PDE4D: variants seen among roughly 807,000 people sequenced by gnomAD.
The protein encoded by PDE4D is 3',5'-cyclic-AMP phosphodiesterase 4D.
In PDE4D, 24 loss-of-function variants were observed where a neutral mutation model predicts 87.4. That is an observed-to-expected ratio of 0.27 (90% CI 0.20 to 0.39). The LOEUF (loss-of-function observed/expected upper bound fraction) is 0.39. PDE4D is among the 10% of genes least tolerant of loss of function. PDE4D has a pLI of 1.00. For synonymous variants in PDE4D, 384 were observed against 383.2 expected (o/e 1.00, Z -0.02); for missense variants, 714 against 1,041.0 (o/e 0.69, Z 4.32).
intron 1 of PDE4D, among the ~76,000 whole-genome samples, chr5:59,847,138 GC>G (rs561515111): frequency 3.4e-4 from 52 of 151,988 alleles, no homozygotes; most frequent in Non-Finnish European, 7.1e-4. Flanking sequence ...CAATTGAGCT[GC>G]CTTTTCATAC....
intron 1 of PDE4D, among the ~76,000 whole-genome samples, chr5:59,680,445 T>C (rs1217830131): frequency 2.0e-5 from 3 of 152,172 alleles, no homozygotes; most frequent in Non-Finnish European, 4.4e-5. Flanking sequence ...AATTATTAGT[T>C]GATATTTTAA....
chr5:59,053,093 T>C (rs1468151530), intron 5 of PDE4D, among the ~76,000 whole-genome samples: 1 of 152,104 alleles, frequency 6.6e-6, no homozygotes, highest in Non-Finnish European at 1.5e-5. Flanking sequence ...TGATGGTATC[T>C]GCTATTTTAG....
At chr5:60,049,074 C>G (rs984315939) in intron 2 of PDE4D, among the ~76,000 whole-genome samples, 4 of 152,098 alleles carry the variant, frequency 2.6e-5, no homozygotes, top group African/African-American at 9.7e-5. Flanking sequence ...TCTTTTTATT[C>G]TTTTTTCTCT....
intron 3 of PDE4D, among the ~76,000 whole-genome samples, chr5:59,190,550 G>A (rs577810570): frequency 5.9e-5 from 9 of 152,074 alleles, no homozygotes; most frequent in Non-Finnish European, 1.2e-4. Flanking sequence ...AGCAATTATG[G>A]TATATCAGGA....
chr5:59,880,711 C>T (rs1421069309), intron 1 of PDE4D, among the ~76,000 whole-genome samples: 1 of 152,168 alleles, frequency 6.6e-6, no homozygotes, highest in East Asian at 1.9e-4. Context: ...TGTTTGAGCT[C>T]ATTGGAAATG....
At chr5:59,961,900 A>G (rs1759513509) in intron 3 of PDE4D, among the ~76,000 whole-genome samples, 1 of 152,184 alleles carries the variant, frequency 6.6e-6, no homozygotes, top group Admixed American at 6.5e-5. Context: ...GTGTTTATTT[A>G]GCCAGATGCT....
At chr5:59,652,650 G>C (rs1743699779) in intron 1 of PDE4D, among the ~76,000 whole-genome samples, 1 of 152,120 alleles carries the variant, frequency 6.6e-6, no homozygotes, top group Admixed American at 6.5e-5. Context: ...ATATTTGTTT[G>C]AGAGATCTCA....
chr5:60,148,691 C>A (rs945521350), intron 2 of PDE4D, among the ~76,000 whole-genome samples: 2 of 152,176 alleles, frequency 1.3e-5, no homozygotes, highest in Non-Finnish European at 2.9e-5. Flanking sequence ...ATCTTGCAAT[C>A]CCTAAGCACA....
intron 1 of PDE4D, among the ~76,000 whole-genome samples, chr5:60,466,112 C>T (rs2150181855): frequency 6.6e-6 from 1 of 152,236 alleles, no homozygotes; most frequent in East Asian, 1.9e-4. Context: ...ATTTCTTTTG[C>T]TATTGTTATC....
At chr5:60,405,796 T>C (rs1741477279) in intron 1 of PDE4D, among the ~76,000 whole-genome samples, 2 of 152,244 alleles carry the variant, frequency 1.3e-5, no homozygotes, top group Non-Finnish European at 2.9e-5. Flanking sequence ...GTGATTATTA[T>C]TCCCAATGTA....
At chr5:59,739,765 C>T (rs1318502705) in intron 1 of PDE4D, among the ~76,000 whole-genome samples, 1 of 152,030 alleles carries the variant, frequency 6.6e-6, no homozygotes, top group Non-Finnish European at 1.5e-5. Context: ...TCTTAATGCA[C>T]CAATCCAGGA....
At chr5:59,960,069 TACAA>T (rs1759296165) in intron 3 of PDE4D, among the ~76,000 whole-genome samples, 1 of 152,018 alleles carries the variant, frequency 6.6e-6, no homozygotes, top group Non-Finnish European at 1.5e-5. Flanking sequence ...AAAGAAGACA[TACAA>T]GCAACCAATA....
intron 1 of PDE4D, among the ~76,000 whole-genome samples, chr5:59,386,394 G>A (rs897205784): frequency 3.3e-5 from 5 of 151,942 alleles, no homozygotes; most frequent in African/African-American, 9.7e-5. Flanking sequence ...TTTTTATTAC[G>A]TGACTTCTAA....
chr5:59,899,624 G>A (rs1752020831), intron 3 of PDE4D, among the ~76,000 whole-genome samples: 1 of 152,066 alleles, frequency 6.6e-6, no homozygotes. Flanking sequence ...AGCAAATTAA[G>A]AAGTTGGAGT....
At chr5:59,764,228 T>C (rs1214129209) in intron 1 of PDE4D, among the ~76,000 whole-genome samples, 1 of 152,166 alleles carries the variant, frequency 6.6e-6, no homozygotes, top group Non-Finnish European at 1.5e-5. Flanking sequence ...TAAAGGTTCA[T>C]GCAGACCAAG....
intron 1 of PDE4D, among the ~76,000 whole-genome samples, chr5:60,316,860 C>T (rs1012443913): frequency 6.6e-6 from 1 of 152,034 alleles, no homozygotes; most frequent in Admixed American, 6.6e-5. Context: ...GGTGGATAAG[C>T]TTTTGATGTG....
At chr5:60,472,404 C>A (rs528026878) in intron 1 of PDE4D, among the ~76,000 whole-genome samples, 1 of 152,272 alleles carries the variant, frequency 6.6e-6, no homozygotes, top group African/African-American at 2.4e-5. Context: ...AAGCTGCCTC[C>A]AATCATACTG....
At chr5:59,618,103 G>A (rs1829926838) in intron 1 of PDE4D, among the ~76,000 whole-genome samples, 1 of 151,782 alleles carries the variant, frequency 6.6e-6, no homozygotes, top group Admixed American at 6.6e-5. Context: ...AGAATTCTTC[G>A]ATGCCTAAAA....
intron 1 of PDE4D, among the ~76,000 whole-genome samples, chr5:60,462,813 G>T (rs1399826378): frequency 6.6e-6 from 1 of 152,102 alleles, no homozygotes; most frequent in Admixed American, 6.5e-5. Flanking sequence ...CCCCTCATTG[G>T]GTTCTTTTCC....
Sources: allele counts gnomAD v4.1 joint callset (sites outside exome capture counted in the v4.1 genomes callset), GRCh38; gene constraint gnomAD v4.1.1; transcripts MANE v1.5; gene names NCBI Gene and HGNC (gene_info 2026-07-23, HGNC 2026-07-21).